ME3: variants seen among roughly 807,000 people sequenced by gnomAD.
The protein encoded by ME3 is malic enzyme 3.
ME3 carries 48 observed loss-of-function variants against 68.9 expected under a neutral mutation model. That is an observed-to-expected ratio of 0.70 (90% CI 0.55 to 0.89). The LOEUF (loss-of-function observed/expected upper bound fraction) is 0.89. ME3 is among the 40% of genes least tolerant of loss of function. ME3 has a pLI of 0.00. For synonymous variants in ME3, 320 were observed against 318.8 expected (o/e 1.00, Z -0.04); for missense variants, 675 against 797.4 (o/e 0.85, Z 1.85).
intron 2 of ME3, among the ~76,000 whole-genome samples, chr11:86,603,351 C>T (rs1202916151): frequency 1.3e-5 from 2 of 152,148 alleles, no homozygotes; most frequent in Admixed American, 1.3e-4. Context: ...TGAAAAAATG[C>T]TCATCATCAC....
At chr11:86,479,639 T>TAA (rs1951277971) in intron 7 of ME3, among the ~76,000 whole-genome samples, 1 of 152,142 alleles carries the variant, frequency 6.6e-6, no homozygotes, top group African/African-American at 2.4e-5. Context: ...GGTCCTAAAT[T>TAA]TGTACAACTT....
chr11:86,564,455 G>C (rs1314301744), intron 2 of ME3, among the ~76,000 whole-genome samples: 1 of 57,444 alleles, frequency 1.7e-5, no homozygotes, highest in Non-Finnish European at 3.4e-5. Context: ...TTACTACAAA[G>C]CTACAGGAAA....
At chr11:86,507,426 G>A (rs983327334) in intron 5 of ME3, among the ~76,000 whole-genome samples, 2 of 152,216 alleles carry the variant, frequency 1.3e-5, no homozygotes, top group South Asian at 4.1e-4. Context: ...AAGGCAGGGT[G>A]ATGTGAGCAT....
At chr11:86,487,277 A>T (rs1385064534) in intron 7 of ME3, 60 bp downstream of exon 7, 2 of 1,397,580 alleles carry the variant, frequency 1.4e-6, no homozygotes, top group African/African-American at 2.8e-5. Context: ...ACCAGTGTTG[A>T]CTTTAGTCAC....
At chr11:86,662,013 G>C (rs528902396) in intron 2 of ME3, among the ~76,000 whole-genome samples, 3 of 152,282 alleles carry the variant, frequency 2.0e-5, no homozygotes, top group Non-Finnish European at 2.9e-5. Context: ...GGCATCCAGT[G>C]ATCTTTAAAG....
intron 2 of ME3, among the ~76,000 whole-genome samples, chr11:86,660,000 C>T (rs1462466195): frequency 6.6e-6 from 1 of 152,142 alleles, no homozygotes; most frequent in Non-Finnish European, 1.5e-5. Context: ...CCACTATCTT[C>T]AACACCAGCT....
At chr11:86,513,311 T>C (rs536124680) in intron 4 of ME3, among the ~76,000 whole-genome samples, 3 of 152,346 alleles carry the variant, frequency 2.0e-5, no homozygotes, top group Non-Finnish European at 4.4e-5. Context: ...CCTTTTGAAA[T>C]GTGTTAAGAG....
intron 4 of ME3, among the ~76,000 whole-genome samples, chr11:86,518,937 CA>C (rs1954075450): frequency 6.6e-6 from 1 of 152,198 alleles, no homozygotes; most frequent in South Asian, 2.1e-4. Context: ...CAGCAAATAA[CA>C]GAAGCTAGAA....
At chr11:86,487,915 C>T (rs1047435049) in intron 6 of ME3, among the ~76,000 whole-genome samples, 2 of 152,332 alleles carry the variant, frequency 1.3e-5, no homozygotes, top group African/African-American at 2.4e-5. Flanking sequence ...CGGTGGCTCA[C>T]GCCTGTAATC....
At chr11:86,490,640 A>G (rs1951946137) in intron 6 of ME3, among the ~76,000 whole-genome samples, 2 of 152,248 alleles carry the variant, frequency 1.3e-5, no homozygotes, top group Admixed American at 1.3e-4. Context: ...CACAGATATC[A>G]TAATTATAAC....
intron 2 of ME3, among the ~76,000 whole-genome samples, chr11:86,640,868 A>G (rs535655138): frequency 2.4e-4 from 36 of 152,164 alleles, no homozygotes; most frequent in African/African-American, 8.4e-4. Context: ...ACTTACCTCT[A>G]TCTCAGCCCA....
At position 86,534,710 on chromosome 11, in the gene ME3, A is replaced by G. The variant is rs191617591; in HGVS notation, c.467+21843T>C. Among the ~76,000 whole-genome samples, 32 of 152,254 alleles carry G rather than the reference A, an allele frequency of 2.1e-4. No individual in the cohort carries two copies. In the East Asian group the frequency reaches 6.0e-3, roughly 28 times the overall value. On this transcript the variant is annotated intron_variant, in intron 4 of 14. Coordinates refer to ENST00000543262, the Ensembl canonical transcript of ME3. ...TAATAATAATAATAACACTTAGCTT[A>G]AAACACACGCTGCACAACTGTGCAA...
At chr11:86,624,494 T>G (rs948609653) in intron 2 of ME3, among the ~76,000 whole-genome samples, 9 of 152,202 alleles carry the variant, frequency 5.9e-5, no homozygotes, top group African/African-American at 1.4e-4. Flanking sequence ...AATGCCCCAC[T>G]CAACCAGATT....
intron 2 of ME3, among the ~76,000 whole-genome samples, chr11:86,635,314 G>A (rs908515036): frequency 1.3e-5 from 2 of 152,340 alleles, no homozygotes; most frequent in South Asian, 4.1e-4. Context: ...GAAGGGCCAC[G>A]TGAGGACGCC....
intron 4 of ME3, among the ~76,000 whole-genome samples, chr11:86,522,860 T>C (rs1332115109): frequency 6.6e-6 from 1 of 152,236 alleles, no homozygotes; most frequent in African/African-American, 2.4e-5. Context: ...TAGTAAGTAA[T>C]CTAGAGATGA....
intron 2 of ME3, among the ~76,000 whole-genome samples, chr11:86,626,131 C>A (rs925765616): frequency 6.6e-6 from 1 of 152,212 alleles, no homozygotes; most frequent in Non-Finnish European, 1.5e-5. Context: ...ATTATTGTCT[C>A]ATTTCTCCAA....
At chr11:86,656,395 T>C (rs1277732992) in intron 2 of ME3, among the ~76,000 whole-genome samples, 4 of 151,858 alleles carry the variant, frequency 2.6e-5, no homozygotes, top group African/African-American at 7.3e-5. Context: ...GTGGCACATA[T>C]ACACCATGGA....
At chr11:86,479,508 C>T (rs541371724) in intron 7 of ME3, among the ~76,000 whole-genome samples, 11 of 152,274 alleles carry the variant, frequency 7.2e-5, no homozygotes, top group African/African-American at 1.9e-4. Flanking sequence ...TTAGTTGGCC[C>T]ATTCTTGTAG....
In ME3 at chr11:86,475,900, GAA is replaced by G. The variant is rs1491124860; in HGVS notation, c.810-10702_810-10701del. The stretch of plus-strand genomic sequence containing the variant: ...AGAGAGAGAGAGAGAGAGAGAGAGA[GAA>G]AGAGAAAGAGAGAGAGAGAGAGCAG... On this transcript the variant is annotated intron_variant, in intron 7 of 14. Transcript: ENST00000543262. Among the ~76,000 whole-genome samples the G allele has an allele frequency of 2.1e-3, 296 of 143,336 alleles. 2 individuals are homozygous for G. The highest frequency in any genetic ancestry group is 3.6e-3 in the Middle Eastern group (1 of 274). 94.0% of individuals were successfully genotyped at this position (143,336 alleles called of 152,430 possible).
Sources: gnomAD v4.1 joint callset for allele counts (sites outside exome capture counted in the v4.1 genomes callset) on GRCh38, gnomAD v4.1.1 for gene constraint, MANE v1.5 for transcripts, NCBI Gene and HGNC (gene_info 2026-07-23, HGNC 2026-07-21) for gene names.